The following MCM5 variants were observed in gnomAD, a reference collection of about 807,000 sequenced individuals.
MCM5 encodes DNA replication licensing factor MCM5.
MCM5 carries 46 observed loss-of-function variants against 79.9 expected under a neutral mutation model. The observed-to-expected ratio is 0.58, with a 90% CI of 0.45 to 0.74. The LOEUF (loss-of-function observed/expected upper bound fraction) is 0.74, where lower values mean the gene tolerates loss of function less well. Among genes scored for constraint, MCM5 ranks in the 30% least tolerant of loss-of-function variants. The probability of loss-of-function intolerance (pLI) is 0.00; values close to 1 mark genes in which losing one functional copy is unlikely to be tolerated. For synonymous variants in MCM5, 404 were observed against 390.5 expected, an observed-to-expected ratio of 1.03 and a Z score of -0.41; for missense variants, 883 against 1,017.0, an observed-to-expected ratio of 0.87 and a Z score of 1.79.
At position 35,416,354 on chromosome 22, in the gene MCM5, C is replaced by T. The variant is rs376956267; in HGVS notation, c.1363C>T (p.Arg455Cys). The part of the protein sequence containing the change: ...DEFDKMREDD[R>C]VAIHEAMEQQ... The stretch of plus-strand genomic sequence containing the variant: ...CCCCACTTAGATGCGAGAAGATGAC[C>T]GTGTGGCAATCCACGAAGCCATGGA... The change falls in exon 11 of 17, where the codon CGT becomes TGT. Residue 455 changes from arginine (R) to cysteine (C), a missense_variant. By Grantham distance (180) the Arg-to-Cys change is radical. Coordinates refer to ENST00000216122, the MANE Select transcript of MCM5 (RefSeq NM_006739.4). 9 of 1,613,656 alleles carry T rather than the reference C, an allele frequency of 5.6e-6. No individual in the cohort carries two copies. The highest frequency in any genetic ancestry group is 5.4e-5 in the African/African-American group (4 of 74,760).
Position 35,421,449 on chromosome 22 carries a change from G to A in MCM5, c.1964G>A (p.Gly655Asp). Residue 655 changes from glycine (G) to aspartate (D), a missense_variant, in exon 15 of 17, where the codon GGT becomes GAT. Gly to Asp is a moderately conservative substitution (Grantham distance 94). Around this residue, in one of 3 missense-constraint regions of MCM5, gnomAD observed 426 missense variants for 482.3 expected, o/e 0.88. Transcript: ENST00000216122. ...TCCACGTTGGATGCTGCCTTGTCCGGTACCCTGTCAGGTGAGCAGATGCAG... is the reference window on the plus strand; with the variant it reads ...TCCACGTTGGATGCTGCCTTGTCCGATACCCTGTCAGGTGAGCAGATGCAG... The part of the protein sequence containing the change: ...QVSTLDAALS[G>D]TLSGVEGFTS... 6.2e-7 allele frequency: 1 copy of A among 1,614,120 alleles called. No individual in the cohort carries two copies. The highest frequency in any genetic ancestry group is 8.5e-7 in the Non-Finnish European group (1 of 1,180,024).
intron 9 of MCM5, among the ~76,000 whole-genome samples, chr22:35,414,585 C>CT (rs1446694576): frequency 1.3e-5 from 2 of 151,896 alleles, no homozygotes; most frequent in African/African-American, 4.8e-5. Flanking sequence ...TGCCACTGCA[C>CT]TCCAGCCTGG....
At chr22:35,447,746 T>C in the MCM5 span, among the ~76,000 whole-genome samples, 6 of 152,056 alleles carry the variant, frequency 3.9e-5, no homozygotes, top group Non-Finnish European at 8.8e-5. Flanking sequence ...GGATTACAGG[T>C]GTGAGCCACC....
chr22:35,423,210 A>G lies in MCM5; in HGVS notation c.1976-4A>G. 1 of 1,568,116 alleles carries G rather than the reference A, an allele frequency of 6.4e-7. No individual in the cohort carries two copies. Among genetic ancestry groups the G allele is most frequent in the Non-Finnish European group, 8.7e-7 (1 of 1,150,610 alleles). ...CCGGCTGCCTCACTTCTCCATGCCC[A>G]CAGGGGTGGAGGGCTTCACCAGCCA... On this transcript the variant is annotated splice_polypyrimidine_tract_variant and splice_region_variant and intron_variant, in intron 15 of 16. Coordinates refer to ENST00000216122, the MANE Select transcript of MCM5 (RefSeq NM_006739.4).
chr22:35,426,857 G>T (rs955110812), downstream of MCM5, among the ~76,000 whole-genome samples: 5 of 152,174 alleles, frequency 3.3e-5, no homozygotes, highest in African/African-American at 1.2e-4. Flanking sequence ...ACTCCTGGCT[G>T]CATGGGTCTC....
intron 6 of MCM5, 121 bp from the exon 7 acceptor site, chr22:35,410,623 T>C (rs4645776): frequency 0.039 from 36,363 of 920,852 alleles, 922 homozygotes; most frequent in Non-Finnish European, 0.049. Flanking sequence ...GCTCAGCATG[T>C]GGTGCCTGTG....
rs1932767909 is a variant in MCM5, at chr22:35,425,243, T to C, written c.*988T>C. On this transcript the variant is annotated 3_prime_UTR_variant, in exon 17 of 17. Coordinates refer to ENST00000216122, the MANE Select transcript of MCM5 (RefSeq NM_006739.4). ...AAAAGCTAGGATTCATAAAATTAAA[T>C]AGAAATCAGTGAAATAAAATATTTG... 6.6e-6 allele frequency: 1 copy of C among 152,146 alleles called. No homozygotes were observed. Among genetic ancestry groups the C allele is most frequent in the Non-Finnish European group, 1.5e-5 (1 of 68,018 alleles). The allele number at this position is 152,146 out of a possible 1,614,324, so 9.4% of individuals were successfully genotyped here.
chr22:35,417,951 A>C (rs560064991), intron 13 of MCM5, 95 bp downstream of exon 13: 1 of 817,636 alleles, frequency 1.2e-6, no homozygotes, highest in Admixed American at 1.9e-5. Context: ...CCTCATGAAG[A>C]ACAGCCCAGA....
chr22:35,400,655 A>G, intron 2 of MCM5, 50 bp downstream of exon 2: 2 of 1,519,436 alleles, frequency 1.3e-6, no homozygotes, highest in Non-Finnish European at 1.8e-6. Context: ...GGCCGCTCAC[A>G]CGCCTCTACC....
the MCM5 span, among the ~76,000 whole-genome samples, chr22:35,450,932 AAG>A: frequency 6.6e-6 from 1 of 152,094 alleles, no homozygotes; most frequent in Non-Finnish European, 1.5e-5. Flanking sequence ...TCAGGAAACA[AAG>A]AGAGTCCAGC....
Position 35,424,181 on chromosome 22 carries a change from G to C in MCM5, c.2131G>C (p.Val711Leu). Residue 711 changes from valine to leucine, a missense_variant, in exon 17 of 17, where the codon GTG becomes CTG. Transcript: ENST00000216122. ...ATACCCGGAGCACGCCATCCACAAG[G>C]TGCTGCAGCTCATGCTGCGGCGCGG... Reference protein sequence around the residue: ...QKYPEHAIHKVLQLMLRRGEI... With the variant: ...QKYPEHAIHKLLQLMLRRGEI... 1 of 1,552,512 alleles carries C rather than the reference G, an allele frequency of 6.4e-7. No homozygotes were observed. The highest frequency in any genetic ancestry group is 8.7e-7 in the Non-Finnish European group (1 of 1,147,560).
chr22:35,443,750 C>G, the MCM5 span, among the ~76,000 whole-genome samples: 1 of 152,222 alleles, frequency 6.6e-6, no homozygotes. Context: ...CTTGTGTATT[C>G]CAGTCTGCCA....
At chr22:35,408,938 G>C (rs1932296604) in intron 6 of MCM5, among the ~76,000 whole-genome samples, 1 of 150,352 alleles carries the variant, frequency 6.7e-6, no homozygotes, top group Non-Finnish European at 1.5e-5. Context: ...CCTCTTCCCA[G>C]CCTGACACCC....
the MCM5 span, among the ~76,000 whole-genome samples, chr22:35,451,976 G>A: frequency 4.6e-5 from 7 of 152,342 alleles, no homozygotes; most frequent in South Asian, 1.0e-3. Flanking sequence ...CAGGGTGATG[G>A]GGTGGGAGGG....
At chr22:35,409,018 A>G (rs1338192752) in intron 6 of MCM5, among the ~76,000 whole-genome samples, 1 of 151,066 alleles carries the variant, frequency 6.6e-6, no homozygotes, top group Non-Finnish European at 1.5e-5. Context: ...GCTGGAGTGC[A>G]GTGGCGCGAT....
Position 35,421,446 on chromosome 22 carries a change from C to T in MCM5, c.1961C>T (p.Ser654Phe), listed in dbSNP as rs757143430. The T allele has an allele frequency of 6.2e-7, 1 of 1,614,156 alleles. No individual in the cohort carries two copies. The highest frequency in any genetic ancestry group is 1.1e-5 in the South Asian group (1 of 91,088). Residue 654 changes from serine to phenylalanine, a missense_variant, in exon 15 of 17, where the codon TCC (serine) becomes TTC (phenylalanine). Physicochemically the swap from Ser to Phe is radical, Grantham distance 155. Transcript: ENST00000216122. The part of the protein sequence containing the change: ...FQVSTLDAAL[S>F]GTLSGVEGFT... Reference sequence around the variant, plus strand: ...GTGTCCACGTTGGATGCTGCCTTGTCCGGTACCCTGTCAGGTGAGCAGATG... The same window carrying T: ...GTGTCCACGTTGGATGCTGCCTTGTTCGGTACCCTGTCAGGTGAGCAGATG...
At chr22:35,416,511 CTG>C (rs133421) in intron 11 of MCM5, 107 bp downstream of exon 11, 28,183 of 1,015,544 alleles carry the variant, frequency 0.028, 233 homozygotes, top group East Asian at 0.049. Flanking sequence ...GGCCTAGAAT[CTG>C]TGTGTGTGTG....
the MCM5 span, among the ~76,000 whole-genome samples, chr22:35,437,030 A>C: frequency 6.6e-6 from 1 of 152,204 alleles, no homozygotes; most frequent in Non-Finnish European, 1.5e-5. Flanking sequence ...GATCCTCCAG[A>C]AATTTCTCTG....
intron 14 of MCM5, among the ~76,000 whole-genome samples, chr22:35,420,876 C>T (rs1010656207): frequency 6.6e-6 from 1 of 152,150 alleles, no homozygotes; most frequent in African/African-American, 2.4e-5. Context: ...CATTGTGATC[C>T]TAGCACTTTG....
Sources: allele counts gnomAD v4.1 joint callset (sites outside exome capture counted in the v4.1 genomes callset), GRCh38; gene constraint gnomAD v4.1.1; regional missense constraint gnomAD v4.1.1; transcripts MANE v1.5; gene names NCBI Gene and HGNC (gene_info 2026-07-23, HGNC 2026-07-21).